The following G6PD variants were observed in gnomAD, a reference collection of about 807,000 sequenced individuals.
G6PD encodes the protein glucose-6-phosphate dehydrogenase.
Under a neutral mutation model 38.2 loss-of-function variants are expected in G6PD, and 2 were observed. The observed-to-expected ratio is 0.05, with a 90% CI of 0.02 to 0.16. The LOEUF is 0.16. Ranked by LOEUF, G6PD falls within the 10% of genes least tolerant of loss-of-function variation. The probability of loss-of-function intolerance (pLI) is 1.00; values close to 1 mark genes in which losing one functional copy is unlikely to be tolerated. For missense variants in G6PD, 310 were observed against 471.6 expected (o/e 0.66, Z 3.17); for synonymous variants, 188 against 196.0 (o/e 0.96, Z 0.34).
At chrX:154,542,241 C>A (rs1557232084) in intron 2 of G6PD, 24 of 1,006,995 alleles carry the variant, frequency 2.4e-5, no homozygotes, top group Non-Finnish European at 2.9e-5. Context: ...CATTGGGATG[C>A]GTCCTGAACG....
intron 1 of G6PD, among the ~76,000 whole-genome samples, chrX:154,546,505 G>T (rs1003376621): frequency 2.7e-5 from 3 of 111,828 alleles, no homozygotes; most frequent in Non-Finnish European, 3.8e-5. Flanking sequence ...CCCGACTGTA[G>T]CGGGAACTCC....
intron 2 of G6PD, among the ~76,000 whole-genome samples, chrX:154,543,752 G>A (rs1253533787): frequency 1.8e-5 from 2 of 110,403 alleles, no homozygotes; most frequent in Non-Finnish European, 3.8e-5. Flanking sequence ...GGAGTGCAAT[G>A]GTGCCATCTC....
At chrX:154,540,637 C>T (rs1282433013) in intron 2 of G6PD, among the ~76,000 whole-genome samples, 3 of 35,276 alleles carry the variant, frequency 8.5e-5, no homozygotes, top group African/African-American at 1.6e-4. Flanking sequence ...CTCCATGTCA[C>T]GAAAAAAAAA....
chrX:154,531,858 C>CAGCGAGGGGCGGGCCAGGGT lies in G6PD; in HGVS notation c.*122_*141dup. The CAGCGAGGGGCGGGCCAGGGT allele has an allele frequency of 1.0e-6, 1 of 992,663 alleles. No homozygotes were observed. The highest frequency in any genetic ancestry group is 1.4e-6 in the Non-Finnish European group (1 of 730,303). The allele number at this position is 992,663 out of a possible 1,213,427, so 81.8% of individuals were successfully genotyped here. ...TGTAGCTGGGCTCGGGTAGTAGCAGCAGCGAGGGGCGGGCCAGGGTGGCCA... is the reference window on the plus strand; with the variant it reads ...TGTAGCTGGGCTCGGGTAGTAGCAGCAGCGAGGGGCGGGCCAGGGTAGCGAGGGGCGGGCCAGGGTGGCCA... On this transcript the variant is annotated 3_prime_UTR_variant, in exon 13 of 13. Coordinates refer to ENST00000393562, the MANE Select transcript of G6PD (RefSeq NM_001360016.2).
intron 2 of G6PD, among the ~76,000 whole-genome samples, chrX:154,542,080 CG>C (rs2148339639): frequency 8.9e-6 from 1 of 112,451 alleles, no homozygotes; most frequent in South Asian, 3.6e-4. Flanking sequence ...CTGCTATACC[CG>C]GGGGCTCATG....
chrX:154,539,543 G>A (rs2070452767), intron 2 of G6PD, among the ~76,000 whole-genome samples: 1 of 110,739 alleles, frequency 9.0e-6, no homozygotes. Context: ...AGCGGAGGGT[G>A]GGGAGTGGGT....
chrX:154,547,313 G>C, upstream of G6PD: 1 of 754,261 alleles, frequency 1.3e-6, no homozygotes, highest in Non-Finnish European at 1.6e-6. Flanking sequence ...GCCTGTTCGC[G>C]GGTCAAGCCG....
At position 154,531,837 on chromosome X, in the gene G6PD, G is replaced by C; in HGVS notation, c.*163C>G. Reference sequence around the variant, plus strand: ...GAGTGCTTGGCAGCTGAGGAATGTAGCTGGGCTCGGGTAGTAGCAGCAGCG... The same window carrying C: ...GAGTGCTTGGCAGCTGAGGAATGTACCTGGGCTCGGGTAGTAGCAGCAGCG... On this transcript the variant is annotated 3_prime_UTR_variant, in exon 13 of 13. Coordinates refer to ENST00000393562, the MANE Select transcript of G6PD (RefSeq NM_001360016.2). 1 of 879,944 alleles carries C rather than the reference G, an allele frequency of 1.1e-6. No homozygotes were observed. Among genetic ancestry groups the C allele is most frequent in the Non-Finnish European group, 1.6e-6 (1 of 632,672 alleles). The allele number at this position is 879,944 out of a possible 1,213,427, so 72.5% of individuals were successfully genotyped here.
chrX:154,539,750 T>C (rs1470920722), intron 2 of G6PD, among the ~76,000 whole-genome samples: 1 of 109,700 alleles, frequency 9.1e-6, no homozygotes, highest in African/African-American at 3.3e-5. Context: ...TGAGACGGAG[T>C]CTCACTCTGT....
chrX:154,536,061 A>G lies in G6PD; in HGVS notation c.159-16T>C, dbSNP rs1472240839. The G allele has an allele frequency of 1.7e-6, 2 of 1,204,903 alleles. No individual in the cohort carries two copies. The highest frequency in any genetic ancestry group is 2.3e-6 in the Non-Finnish European group (2 of 888,884). On this transcript the variant is annotated splice_polypyrimidine_tract_variant and intron_variant, in intron 3 of 12. Coordinates refer to ENST00000393562, the MANE Select transcript of G6PD (RefSeq NM_001360016.2). The stretch of plus-strand genomic sequence containing the variant: ...GAACAGCCACCTGAGGGCAGGGCAC[A>G]GCTGTAACCAGTGCGGGCAGGGCAG...
upstream of G6PD, chrX:154,547,438 C>G (rs2070775529): frequency 1.3e-6 from 1 of 754,447 alleles, no homozygotes; most frequent in Admixed American, 8.5e-5. Context: ...CGGTGACGCC[C>G]TGCAAAGTGG....
rs1569556235 is a variant in G6PD at position 154,534,529 on chromosome X, G to C, written c.486-33C>G. On this transcript the variant is annotated intron_variant, in intron 5 of 12. Transcript: ENST00000393562. Reference sequence around the variant, plus strand: ...GAGCCCGGAGCTGCGTTACCCCCTTGAACCCCTCTTCGGGGAGTGAGGATC... The same window carrying C: ...GAGCCCGGAGCTGCGTTACCCCCTTCAACCCCTCTTCGGGGAGTGAGGATC... 3.3e-6 allele frequency: 4 copies of C among 1,207,175 alleles called. No individual in the cohort carries two copies. In the Middle Eastern group the frequency reaches 7.0e-4, roughly 210 times the overall value.
Position 154,536,006 on chromosome X carries a change from G to A in G6PD, c.198C>T (p.Phe66=). The A allele has an allele frequency of 8.3e-7, 1 of 1,212,116 alleles. No individual in the cohort carries two copies. The highest frequency in any genetic ancestry group is 1.1e-6 in the Non-Finnish European group (1 of 895,493). The change falls in exon 4 of 13, where the codon TTC becomes TTT. Residue 66 remains phenylalanine (F), a synonymous_variant. Coordinates refer to ENST00000393562, the MANE Select transcript of G6PD (RefSeq NM_001360016.2). ...FRDGLLPENT[F]IVGYARSRLT... ...GGCGGGAACGGGCATAGCCCACGAT[G>A]AAGGTGTTTTCGGGCAGAAGGCCAT...
At chrX:154,545,866 G>T in intron 2 of G6PD, 170 bp downstream of exon 2, 31 of 476,554 alleles carry the variant, frequency 6.5e-5, no homozygotes, top group Non-Finnish European at 9.9e-5. Flanking sequence ...AGTCTTGCAA[G>T]TGCATATGCA....
chrX:154,542,374 C>T (rs201460468), intron 2 of G6PD: 8 of 1,206,214 alleles, frequency 6.6e-6, no homozygotes, highest in East Asian at 3.0e-5. Context: ...CCAGCATCAT[C>T]GAGGTCCCAT....
Position 154,532,025 on chromosome X carries a change from T to A in G6PD, c.1523A>T (p.Lys508Met). Residue 508 changes from lysine (K) to methionine (M), a missense_variant, in exon 13 of 13, where the codon AAG becomes ATG. Transcript: ENST00000393562. ...TCAGAGCTTGTGGGGGTTCACCCAC[T>A]TGTAGGTGCCCTCATACTGGAAACC... ...RVGFQYEGTY[K>M]WVNPHKL 8.3e-7 allele frequency: 1 copy of A among 1,210,378 alleles called. No individual in the cohort carries two copies. Among genetic ancestry groups the A allele is most frequent in the Non-Finnish European group, 1.1e-6 (1 of 895,114 alleles).
At chrX:154,546,933 G>A (rs2070748287), upstream of G6PD, 1 of 525,542 alleles carries the variant, frequency 1.9e-6, no homozygotes, top group Non-Finnish European at 2.6e-6. Context: ...CGAGGCGTGC[G>A]GGGCGGGGCC....
intron 2 of G6PD, among the ~76,000 whole-genome samples, chrX:154,537,875 A>ACACACACATGCAGATGCAGAAAT (rs2070428486): frequency 8.9e-6 from 1 of 111,872 alleles, no homozygotes; most frequent in African/African-American, 3.3e-5. Context: ...CGCCTCATTC[A>ACACACACATGCAGATGCAGAAAT]CACACACATG....
In G6PD at chrX:154,542,411, C is replaced by T. The variant is rs189237568; in HGVS notation, c.120+3625G>A. ...AGGTGGGGAAAGATGCTGTTCCAGG[C>T]GCACACTAGTCTACAAGGCCAGAGC... is the stretch of plus-strand genomic sequence containing the variant. On this transcript the variant is annotated intron_variant, in intron 2 of 12. Transcript: ENST00000393562. 1,402 of 1,197,439 alleles carry T rather than the reference C, an allele frequency of 1.2e-3. 4 individuals are homozygous for T. In the South Asian group the frequency reaches 0.013, roughly 11 times the overall value.
Sources: allele counts gnomAD v4.1 joint callset (sites outside exome capture counted in the v4.1 genomes callset), GRCh38; gene constraint gnomAD v4.1.1; transcripts MANE v1.5; gene names NCBI Gene and HGNC (gene_info 2026-07-23, HGNC 2026-07-21).